MINK1: variants seen among roughly 807,000 people sequenced by gnomAD.
MINK1 encodes the protein misshapen like kinase 1.
Under a neutral mutation model 178.4 loss-of-function variants are expected in MINK1, and 46 were observed. That is an observed-to-expected ratio of 0.26 (90% CI 0.20 to 0.33). The LOEUF is 0.33. MINK1 is among the 10% of genes least tolerant of loss of function. The pLI is 1.00. For missense variants in MINK1, 1,366 were observed against 1,814.9 expected (o/e 0.75, Z 4.49); for synonymous variants, 797 against 709.7 (o/e 1.12, Z -1.96).
chr17:4,870,528 T>A (rs1915730464), intron 1 of MINK1, among the ~76,000 whole-genome samples: 1 of 152,136 alleles, frequency 6.6e-6, no homozygotes, highest in Non-Finnish European at 1.5e-5. Flanking sequence ...AAATTTACCC[T>A]TTTAAAATAT....
chr17:4,846,642 G>C (rs1012524322), intron 1 of MINK1, among the ~76,000 whole-genome samples: 2 of 152,200 alleles, frequency 1.3e-5, no homozygotes, highest in Admixed American at 1.3e-4. Flanking sequence ...TGAAGTGTTT[G>C]TGTTTAAAGC....
chr17:4,888,586 T>C (rs1968443542), intron 12 of MINK1, among the ~76,000 whole-genome samples: 1 of 149,984 alleles, frequency 6.7e-6, no homozygotes, highest in African/African-American at 2.5e-5. Flanking sequence ...TGTAGTGAGC[T>C]GAGATCACGC....
At chr17:4,860,851 C>A (rs1344404493) in intron 1 of MINK1, 3 of 509,842 alleles carry the variant, frequency 5.9e-6, no homozygotes, top group Admixed American at 2.0e-5. Context: ...GATGCCGAAG[C>A]CTTAGGGAGC....
At chr17:4,893,696 G>T in intron 21 of MINK1, 99 bp downstream of exon 21, 1 of 1,423,514 alleles carries the variant, frequency 7.0e-7, no homozygotes, top group Non-Finnish European at 9.3e-7. Flanking sequence ...GTCTGAGGGA[G>T]AGCGGCTCCC....
intron 1 of MINK1, among the ~76,000 whole-genome samples, chr17:4,865,725 A>G (rs1914861979): frequency 6.6e-6 from 1 of 150,464 alleles, no homozygotes; most frequent in Non-Finnish European, 1.5e-5. Flanking sequence ...CTACCAAAAA[A>G]AAAAAAAAAA....
chr17:4,865,105 T>C (rs1421014014), intron 1 of MINK1, among the ~76,000 whole-genome samples: 2 of 152,170 alleles, frequency 1.3e-5, no homozygotes, highest in Non-Finnish European at 2.9e-5. Flanking sequence ...CTTTTTTATC[T>C]TTTCTGTTTT....
chr17:4,862,454 A>G (rs1327869332), intron 1 of MINK1, among the ~76,000 whole-genome samples: 1 of 152,170 alleles, frequency 6.6e-6, no homozygotes, highest in Non-Finnish European at 1.5e-5. Context: ...CAGGAGTTCA[A>G]GACCAGCCAG....
chr17:4,867,043 C>T (rs964715239), intron 1 of MINK1, among the ~76,000 whole-genome samples: 2 of 142,542 alleles, frequency 1.4e-5, no homozygotes, highest in African/African-American at 5.2e-5. Flanking sequence ...GCTTGCACTC[C>T]AGCCTGGGTG....
rs753083894 is a variant in MINK1, at chr17:4,896,733, G to A, written c.3835G>A (p.Val1279Met). 1.2e-6 allele frequency: 2 copies of A among 1,604,462 alleles called. No homozygotes were observed. The highest frequency in any genetic ancestry group is 1.7e-6 in the Non-Finnish European group (2 of 1,174,590). The change falls in exon 31 of 32, where the codon GTG becomes ATG. Residue 1279 changes from valine to methionine, a missense_variant. By Grantham distance (21) the Val-to-Met change is conservative (BLOSUM62 1). Around this residue, in one of 14 missense-constraint regions of MINK1, gnomAD observed 201 missense variants for 240.7 expected, o/e 0.84. Coordinates refer to ENST00000355280, the MANE Select transcript of MINK1 (RefSeq NM_153827.5). The surrounding 1 kb of genome is among the most constrained non-coding windows in gnomAD (Gnocchi z 4.6). The part of the protein sequence containing the change: ...WGEKAIEIRS[V>M]ETGHLDGVFM... ...TGAGAAAGCCATTGAGATCCGCTCT[G>A]TGGAGACGGGCCACCTCGACGGGGT...
At chr17:4,880,917 C>A (rs963773042) in intron 2 of MINK1, 67 bp from the exon 3 acceptor site, 1 of 1,406,840 alleles carries the variant, frequency 7.1e-7, no homozygotes, top group African/African-American at 1.4e-5. Context: ...AAAGCTGTGT[C>A]TCCTAGAGTC....
At position 4,886,687 on chromosome 17, in the gene MINK1, C is replaced by A; in HGVS notation, c.949+61C>A. The stretch of plus-strand genomic sequence containing the variant: ...GACACTCCAGCCTGGCTCCTCTCTG[C>A]CAGCCCTGCTCGCTCCTGGCACCCC... On this transcript the variant is annotated intron_variant, in intron 10 of 31. Coordinates refer to ENST00000355280, the MANE Select transcript of MINK1 (RefSeq NM_153827.5). The surrounding 1 kb of genome is among the most constrained non-coding windows in gnomAD (Gnocchi z 6.1). 1 of 1,470,214 alleles carries A rather than the reference C, an allele frequency of 6.8e-7. No homozygotes were observed. The highest frequency in any genetic ancestry group is 9.0e-7 in the Non-Finnish European group (1 of 1,108,414). 91.1% of individuals were successfully genotyped at this position (1,470,214 alleles called of 1,614,324 possible). A position where few individuals can be genotyped will look rare whatever the true frequency, so the allele number is the denominator to read the frequency against.
chr17:4,833,554 G>C lies in MINK1; in HGVS notation c.-30G>C, dbSNP rs1057101276. ...GGAGTAACCGAGCCGGAGCGTGAGC[G>C]GCCCCGGTGCCCCGTTCCCCACGGA... On this transcript the variant is annotated 5_prime_UTR_variant, in exon 1 of 32. Coordinates refer to ENST00000355280, the MANE Select transcript of MINK1 (RefSeq NM_153827.5). The surrounding 1 kb of genome is among the most constrained non-coding windows in gnomAD (Gnocchi z 4.8). 4.0e-6 allele frequency: 6 copies of C among 1,485,104 alleles called. No homozygotes were observed. The highest frequency in any genetic ancestry group is 4.3e-5 in the Admixed American group (2 of 46,326). 92.0% of individuals were successfully genotyped at this position (1,485,104 alleles called of 1,614,324 possible).
intron 17 of MINK1, 51 bp downstream of exon 17, chr17:4,892,285 G>A: frequency 6.6e-7 from 1 of 1,519,024 alleles, no homozygotes; most frequent in Non-Finnish European, 8.9e-7. Context: ...GCAGCCTAGG[G>A]AGTAGGGGGG....
At chr17:4,876,311 C>T (rs1967180155) in intron 1 of MINK1, among the ~76,000 whole-genome samples, 1 of 152,128 alleles carries the variant, frequency 6.6e-6, no homozygotes, top group Admixed American at 6.5e-5. Flanking sequence ...AAGGAGGGCT[C>T]AGTCCCTTTC....
chr17:4,872,200 G>T (rs1915939761), intron 1 of MINK1, among the ~76,000 whole-genome samples: 1 of 152,004 alleles, frequency 6.6e-6, no homozygotes, highest in East Asian at 1.9e-4. Context: ...TGTGGTGGCA[G>T]GCAGCTGTAA....
chr17:4,851,750 C>T (rs1031227783), intron 1 of MINK1, among the ~76,000 whole-genome samples: 2 of 151,996 alleles, frequency 1.3e-5, no homozygotes, highest in African/African-American at 4.8e-5. Flanking sequence ...CCTGTAATCC[C>T]AGCACTTTAG....
At chr17:4,888,852 C>T (rs1968482091) in intron 12 of MINK1, among the ~76,000 whole-genome samples, 1 of 151,914 alleles carries the variant, frequency 6.6e-6, no homozygotes, top group Non-Finnish European at 1.5e-5. Flanking sequence ...AATGCGCCAC[C>T]ACGCCCGGCT....
chr17:4,871,636 C>A (rs1247649475), intron 1 of MINK1, among the ~76,000 whole-genome samples: 1 of 152,084 alleles, frequency 6.6e-6, no homozygotes, highest in South Asian at 2.1e-4. Flanking sequence ...TGTGGGCATC[C>A]ATCTACATAT....
At position 4,895,705 on chromosome 17, in the gene MINK1, G is replaced by T; in HGVS notation, c.3237G>T (p.Arg1079Ser). ...LNLLITISGK[R>S]NKLRVYYLSW... ...TGTCTGTCCGTCCCTCAGGGAAAAGGAACAAACTGCGGGTGTATTACCTGT... is the reference window on the plus strand; with the variant it reads ...TGTCTGTCCGTCCCTCAGGGAAAAGTAACAAACTGCGGGTGTATTACCTGT... Residue 1079 changes from arginine (R) to serine (S), a missense_variant, in exon 27 of 32, where the codon AGG becomes AGT. This residue lies in a region of MINK1 where 77 missense variants were observed against 119.5 expected (regional missense o/e 0.64). Coordinates refer to ENST00000355280, the MANE Select transcript of MINK1 (RefSeq NM_153827.5). This position sits in a 1 kb window ranked among gnomAD's most constrained non-coding sequence, Gnocchi z 4.3. 2 of 1,613,362 alleles carry T rather than the reference G, an allele frequency of 1.2e-6. No individual in the cohort carries two copies. Among genetic ancestry groups the T allele is most frequent in the Non-Finnish European group, 1.7e-6 (2 of 1,179,650 alleles).
Sources: gnomAD v4.1 joint callset for allele counts (sites outside exome capture counted in the v4.1 genomes callset) on GRCh38, gnomAD v4.1.1 for gene constraint, gnomAD v4.1.1 regional missense constraint, Gnocchi (gnomAD v3.1) non-coding constraint, MANE v1.5 for transcripts, NCBI Gene and HGNC (gene_info 2026-07-23, HGNC 2026-07-21) for gene names.